POT1: variants seen among roughly 807,000 people sequenced by gnomAD.
The protein encoded by POT1 is protection of telomeres 1.
Under a neutral mutation model 78.5 loss-of-function variants are expected in POT1, and 47 were observed. The observed-to-expected ratio is 0.60, with a 90% CI of 0.47 to 0.76. The LOEUF (loss-of-function observed/expected upper bound fraction) is 0.76. Among genes scored for constraint, POT1 ranks in the 30% least tolerant of loss-of-function variants. The probability of loss-of-function intolerance (pLI) is 0.00; values close to 1 mark genes in which losing one functional copy is unlikely to be tolerated. For synonymous variants in POT1, 259 were observed against 260.7 expected, an observed-to-expected ratio of 0.99 and a Z score of 0.06; for missense variants, 646 against 749.9, an observed-to-expected ratio of 0.86 and a Z score of 1.62.
At chr7:124,903,702 C>T (rs950222461) in intron 3 of POT1, among the ~76,000 whole-genome samples, 2 of 152,050 alleles carry the variant, frequency 1.3e-5, no homozygotes, top group South Asian at 2.1e-4. Flanking sequence ...GATAGAGACA[C>T]AAAAAACCCT....
intron 11 of POT1, among the ~76,000 whole-genome samples, chr7:124,847,892 C>T (rs1056815132): frequency 2.6e-5 from 4 of 152,208 alleles, no homozygotes; most frequent in Non-Finnish European, 5.9e-5. Context: ...GAAGCCTAGA[C>T]ATAAGCCCAC....
chr7:124,843,142 G>A (rs1402537873), intron 12 of POT1, 179 bp from the exon 13 acceptor site: 3 of 425,526 alleles, frequency 7.1e-6, no homozygotes, highest in Non-Finnish European at 1.2e-5. Context: ...CTAGCATAGT[G>A]CCAGGCACAG....
chr7:124,926,008 A>C (rs1797263506), intron 2 of POT1, among the ~76,000 whole-genome samples: 2 of 152,304 alleles, frequency 1.3e-5, no homozygotes, highest in Middle Eastern at 3.4e-3. Context: ...AAAATATAGA[A>C]GAAAACCTAG....
intron 3 of POT1, among the ~76,000 whole-genome samples, chr7:124,907,117 A>G (rs1041987963): frequency 6.6e-6 from 1 of 152,160 alleles, no homozygotes; most frequent in African/African-American, 2.4e-5. Flanking sequence ...TGCTACAAAA[A>G]GTGAGAAGGC....
intron 14 of POT1, among the ~76,000 whole-genome samples, chr7:124,835,995 C>G (rs2045049985): frequency 6.6e-6 from 1 of 152,094 alleles, no homozygotes; most frequent in African/African-American, 2.4e-5. Context: ...AGGCAGTGTC[C>G]TTTTTACTTA....
At chr7:124,859,550 G>C (rs1306176141) in intron 8 of POT1, among the ~76,000 whole-genome samples, 1 of 151,802 alleles carries the variant, frequency 6.6e-6, no homozygotes, top group South Asian at 2.1e-4. Context: ...TAGTTGTAAA[G>C]CATTATTCTG....
At chr7:124,847,401 T>A (rs1333743721) in intron 11 of POT1, among the ~76,000 whole-genome samples, 3 of 152,054 alleles carry the variant, frequency 2.0e-5, no homozygotes, top group Non-Finnish European at 4.4e-5. Flanking sequence ...GGCTGAGGCA[T>A]GAGAATCACT....
chr7:124,927,680 C>T (rs1797309302), intron 2 of POT1, among the ~76,000 whole-genome samples: 2 of 152,026 alleles, frequency 1.3e-5, no homozygotes, highest in African/African-American at 4.8e-5. Flanking sequence ...AATGAGAGTC[C>T]CTTTGGGCTT....
intron 6 of POT1, among the ~76,000 whole-genome samples, chr7:124,871,692 A>G (rs936481138): frequency 2.6e-5 from 4 of 151,544 alleles, no homozygotes; most frequent in African/African-American, 9.7e-5. Flanking sequence ...AACTTCAAAC[A>G]CTGGTGGTAG....
chr7:124,865,769 T>C (rs182494902), intron 7 of POT1, among the ~76,000 whole-genome samples: 1 of 152,022 alleles, frequency 6.6e-6, no homozygotes, highest in East Asian at 1.9e-4. Context: ...TGCAGTGGTG[T>C]AATAATATTT....
intron 2 of POT1, among the ~76,000 whole-genome samples, chr7:124,916,494 G>A (rs191929614): frequency 6.6e-6 from 1 of 152,144 alleles, no homozygotes; most frequent in East Asian, 1.9e-4. Flanking sequence ...AACCAACTAA[G>A]CAGAAATCTG....
At chr7:124,905,137 G>GT (rs1796728831) in intron 3 of POT1, among the ~76,000 whole-genome samples, 1 of 148,730 alleles carries the variant, frequency 6.7e-6, no homozygotes, top group South Asian at 2.1e-4. Flanking sequence ...AGAATTGGAA[G>GT]TTCATATGGA....
At chr7:124,851,552 C>A (rs1224364585) in intron 11 of POT1, among the ~76,000 whole-genome samples, 3 of 152,162 alleles carry the variant, frequency 2.0e-5, no homozygotes, top group Non-Finnish European at 1.5e-5. Flanking sequence ...GTGGCAAAAA[C>A]AATCTTTGTT....
intron 9 of POT1, among the ~76,000 whole-genome samples, chr7:124,855,643 G>A (rs575137802): frequency 6.7e-6 from 1 of 150,002 alleles, no homozygotes; most frequent in African/African-American, 2.4e-5. Flanking sequence ...AACAACTATA[G>A]AAGTCTATTT....
intron 6 of POT1, among the ~76,000 whole-genome samples, chr7:124,882,699 TA>T: frequency 6.6e-6 from 1 of 151,282 alleles, no homozygotes; most frequent in Non-Finnish European, 1.5e-5. Flanking sequence ...TTTTAAGAAT[TA>T]AAAAAACAGT....
intron 6 of POT1, among the ~76,000 whole-genome samples, chr7:124,876,608 T>C (rs1795996126): frequency 6.6e-6 from 1 of 152,190 alleles, no homozygotes; most frequent in Admixed American, 6.5e-5. Flanking sequence ...TTACGCAATT[T>C]GGTTCAAAAC....
chr7:124,862,294 T>C (rs1040108875), intron 8 of POT1, among the ~76,000 whole-genome samples: 1 of 152,178 alleles, frequency 6.6e-6, no homozygotes. Flanking sequence ...AGTCAAAAGA[T>C]AGAATATGCC....
At chr7:124,920,335 A>G (rs1162350397) in intron 2 of POT1, among the ~76,000 whole-genome samples, 1 of 152,200 alleles carries the variant, frequency 6.6e-6, no homozygotes, top group Non-Finnish European at 1.5e-5. Flanking sequence ...AAAAGGCTAC[A>G]TGCTGTATAA....
chr7:124,863,261 C>G (rs1017207452), intron 8 of POT1, 89 bp downstream of exon 8: 44 of 1,293,494 alleles, frequency 3.4e-5, no homozygotes, highest in Non-Finnish European at 1.7e-5. Context: ...ACACAGCATG[C>G]TTTATCTCAT....
Sources: gnomAD v4.1 joint callset for allele counts (sites outside exome capture counted in the v4.1 genomes callset) on GRCh38, gnomAD v4.1.1 for gene constraint, MANE v1.5 for transcripts, NCBI Gene and HGNC (gene_info 2026-07-23, HGNC 2026-07-21) for gene names.